The following PDE8B variants were observed in gnomAD, a reference collection of about 807,000 sequenced individuals.
PDE8B encodes the protein phosphodiesterase 8B, also known as high affinity cAMP-specific and IBMX-insensitive 3',5'-cyclic phosphodiesterase 8B.
In PDE8B, 26 loss-of-function variants were observed where a neutral mutation model predicts 101.3. The observed-to-expected ratio is 0.26, with a 90% CI of 0.19 to 0.36. The LOEUF (loss-of-function observed/expected upper bound fraction) is 0.36. PDE8B is among the 10% of genes least tolerant of loss of function. PDE8B has a pLI of 1.00. For missense variants in PDE8B, 810 were observed against 1,163.1 expected (o/e 0.70, Z 4.42); for synonymous variants, 424 against 429.3 (o/e 0.99, Z 0.15).
chr5:77,274,868 T>C (rs1763533101), intron 1 of PDE8B, among the ~76,000 whole-genome samples: 2 of 152,082 alleles, frequency 1.3e-5, no homozygotes, highest in Admixed American at 1.3e-4. Context: ...CATAAAAGTT[T>C]TAGATAAAAG....
the PDE8B span, among the ~76,000 whole-genome samples, chr5:77,180,214 C>A: frequency 6.6e-6 from 1 of 152,196 alleles, no homozygotes; most frequent in Non-Finnish European, 1.5e-5. Flanking sequence ...GTCTTGGCTC[C>A]ACACCCCGGG....
the PDE8B span, chr5:77,105,664 C>T: frequency 6.6e-6 from 1 of 152,104 alleles, no homozygotes; most frequent in East Asian, 1.9e-4. Context: ...AGATAAATAC[C>T]TGGAGTGGGA....
intron 10 of PDE8B, among the ~76,000 whole-genome samples, chr5:77,387,673 C>A (rs1005635705): frequency 6.6e-6 from 1 of 152,152 alleles, no homozygotes; most frequent in African/African-American, 2.4e-5. Flanking sequence ...AGAGTGTTTT[C>A]CAACTTGGTT....
chr5:77,218,301 A>G (rs1002791924), intron 1 of PDE8B, among the ~76,000 whole-genome samples: 1 of 152,188 alleles, frequency 6.6e-6, no homozygotes. Context: ...ACATTGTTTC[A>G]CCAAATCTGC....
At chr5:77,295,163 A>T (rs1768242909) in intron 1 of PDE8B, among the ~76,000 whole-genome samples, 1 of 152,224 alleles carries the variant, frequency 6.6e-6, no homozygotes, top group African/African-American at 2.4e-5. Flanking sequence ...ACTGGAGAAG[A>T]TATGTTAAAG....
At chr5:77,254,859 TA>T (rs1187219279) in intron 1 of PDE8B, among the ~76,000 whole-genome samples, 3 of 152,244 alleles carry the variant, frequency 2.0e-5, no homozygotes, top group Non-Finnish European at 4.4e-5. Flanking sequence ...TTCATTTGTG[TA>T]TGCTCTCTGT....
chr5:77,374,182 T>C (rs1318692564), intron 10 of PDE8B, among the ~76,000 whole-genome samples: 1 of 152,122 alleles, frequency 6.6e-6, no homozygotes, highest in Non-Finnish European at 1.5e-5. Flanking sequence ...TTTGATTTGA[T>C]AGTAATATAG....
At position 77,210,746 on chromosome 5, in the gene PDE8B, G is replaced by A; in HGVS notation, c.-180G>A. 2 of 982,150 alleles carry A rather than the reference G, an allele frequency of 2.0e-6. No individual in the cohort carries two copies. Among genetic ancestry groups the A allele is most frequent in the African/African-American group, 3.5e-5 (2 of 56,882 alleles). 60.8% of individuals were successfully genotyped at this position (982,150 alleles called of 1,614,324 possible). ...AAGGGAAAGTTGGGGTGACGCGCGCGGTCCCCGGAGGCTCGGCGGGGGGCA... is the reference window on the plus strand; with the variant it reads ...AAGGGAAAGTTGGGGTGACGCGCGCAGTCCCCGGAGGCTCGGCGGGGGGCA... On this transcript the variant is annotated 5_prime_UTR_variant, in exon 1 of 22. Transcript: ENST00000264917. The surrounding 1 kb of genome is among the most constrained non-coding windows in gnomAD (Gnocchi z 4.9).
chr5:77,303,384 CA>C (rs1251662938), intron 1 of PDE8B, among the ~76,000 whole-genome samples: 15 of 151,944 alleles, frequency 9.9e-5, no homozygotes, highest in African/African-American at 3.4e-4. Context: ...TACTAAAATA[CA>C]AAAAATTAGC....
At chr5:77,301,712 C>T (rs1769984600) in intron 1 of PDE8B, among the ~76,000 whole-genome samples, 1 of 152,194 alleles carries the variant, frequency 6.6e-6, no homozygotes. Context: ...CTGTGTTCTC[C>T]CAGTCAGACC....
At chr5:77,321,954 CA>C (rs1396494200) in intron 2 of PDE8B, among the ~76,000 whole-genome samples, 1 of 152,126 alleles carries the variant, frequency 6.6e-6, no homozygotes, top group African/African-American at 2.4e-5. Context: ...CACAGCATGC[CA>C]CCCAGGGCCA....
rs768520879 is a variant in PDE8B, at chr5:77,331,445, G to A, written c.694G>A (p.Ala232Thr). 8.7e-6 allele frequency: 14 copies of A among 1,612,970 alleles called. No homozygotes were observed. In the South Asian group the frequency reaches 1.1e-4, roughly 13 times the overall value. Residue 232 changes from alanine (A) to threonine (T), a missense_variant, in exon 5 of 22, where the codon GCA becomes ACA. By Grantham distance (58) the Ala-to-Thr change is moderately conservative. Transcript: ENST00000264917. ...EEASVLPLLH[A>T]GFNRRFMENS... ...GGCGTCAGTCCTTCCTCTTCTCCAC[G>A]CAGGCTTCAACAGGGTATGTACAAG... is the stretch of plus-strand genomic sequence containing the variant.
At chr5:77,319,970 TAA>T (rs10573022) in intron 2 of PDE8B, among the ~76,000 whole-genome samples, 14,135 of 152,164 alleles carry the variant, frequency 0.093, 1,150 homozygotes, top group African/African-American at 0.21. Context: ...TCTAATATTT[TAA>T]GTTACAGTAT....
Position 77,408,879 on chromosome 5 carries a change from C to T in PDE8B, c.1366-14C>T, listed in dbSNP as rs371015739. On this transcript the variant is annotated splice_polypyrimidine_tract_variant and intron_variant, in intron 13 of 21. Transcript: ENST00000264917. ...CCTATTATCCTCAGATGTATTCTTT[C>T]TTCACTCCGTTAGGTTATAAATATA... The T allele has an allele frequency of 1.1e-5, 17 of 1,607,164 alleles. No homozygotes were observed. The African/African-American group carries it at 1.9e-4, about 18-fold the overall frequency.
the PDE8B span, among the ~76,000 whole-genome samples, chr5:77,191,611 C>T: frequency 1.3e-5 from 2 of 152,102 alleles, no homozygotes; most frequent in Admixed American, 1.3e-4. Context: ...TCTCGGCCTC[C>T]CAAAGTGTTG....
Position 77,337,205 on chromosome 5 carries a change from A to G in PDE8B, c.709-22A>G, listed in dbSNP as rs373873289. ...AGAAGTAATTATATATGTCTTATGT[A>G]TTGTCTTTGCTTTCTTTTCAGAGAT... On this transcript the variant is annotated intron_variant, in intron 5 of 21. Transcript: ENST00000264917. 1.2e-5 allele frequency: 15 copies of G among 1,297,676 alleles called. No homozygotes were observed. In the African/African-American group the frequency reaches 1.3e-4, roughly 11 times the overall value. The allele number at this position is 1,297,676 out of a possible 1,614,324, so 80.4% of individuals were successfully genotyped here.
chr5:77,354,257 G>A (rs547449230), intron 10 of PDE8B, among the ~76,000 whole-genome samples: 67 of 152,256 alleles, frequency 4.4e-4, no homozygotes, highest in African/African-American at 1.6e-3. Flanking sequence ...AGTGGGGTGA[G>A]CCCAGTGAGC....
intron 10 of PDE8B, among the ~76,000 whole-genome samples, chr5:77,396,941 C>T (rs1417771933): frequency 6.7e-6 from 1 of 149,668 alleles, no homozygotes; most frequent in African/African-American, 2.5e-5. Context: ...CTGAAAAGAA[C>T]TTTGAAACTA....
the PDE8B span, among the ~76,000 whole-genome samples, chr5:77,136,239 A>G: frequency 1.3e-5 from 2 of 151,970 alleles, no homozygotes; most frequent in African/African-American, 2.4e-5. Context: ...TGAAGTGTTT[A>G]TTTATTCCCT....
Sources: allele counts gnomAD v4.1 joint callset (sites outside exome capture counted in the v4.1 genomes callset), GRCh38; gene constraint gnomAD v4.1.1; non-coding constraint Gnocchi (gnomAD v3.1); transcripts MANE v1.5; gene names NCBI Gene and HGNC (gene_info 2026-07-23, HGNC 2026-07-21).